The following LRRC4C variants were observed in gnomAD, a reference collection of about 807,000 sequenced individuals.
LRRC4C encodes the protein leucine-rich repeat-containing protein 4C.
LRRC4C carries 5 observed loss-of-function variants against 33.6 expected under a neutral mutation model. The ratio of observed to expected loss-of-function variants is 0.15; its 90% CI spans 0.08 to 0.31. The LOEUF is 0.31. LRRC4C is among the 10% of genes least tolerant of loss of function. The pLI is 1.00. For synonymous variants in LRRC4C, 329 were observed against 302.0 expected (o/e 1.09, Z -0.93); for missense variants, 560 against 796.7 (o/e 0.70, Z 3.58).
chr11:40,200,608 G>A (rs1398360278), intron 5 of LRRC4C, among the ~76,000 whole-genome samples: 1 of 151,604 alleles, frequency 6.6e-6, no homozygotes, highest in Non-Finnish European at 1.5e-5. Context: ...TACACAGAGA[G>A]ATGAAGAAAA....
At chr11:40,357,679 C>G (rs1448107094) in intron 3 of LRRC4C, among the ~76,000 whole-genome samples, 2 of 152,150 alleles carry the variant, frequency 1.3e-5, no homozygotes, top group Non-Finnish European at 2.9e-5. Flanking sequence ...CCTTCTCTCT[C>G]TCTCTCTCTC....
At chr11:41,137,323 C>T (rs1943309505) in intron 1 of LRRC4C, among the ~76,000 whole-genome samples, 1 of 152,056 alleles carries the variant, frequency 6.6e-6, no homozygotes, top group Admixed American at 6.6e-5. Flanking sequence ...GATCAAATCC[C>T]TCCCTTAAAA....
Position 40,297,051 on chromosome 11 carries a change from G to A in LRRC4C, c.-176+22577C>T, listed in dbSNP as rs114391207. 4.1e-3 allele frequency among the ~76,000 whole-genome samples: 628 copies of A among 152,286 alleles called. 8 individuals are homozygous for A. The highest frequency in any genetic ancestry group is 0.015 in the African/African-American group (609 of 41,552). ...TGTTATCTTATTTCACTGTATGTTC[G>A]TGACTATAGCTGGTGTAATCATTAG... is the stretch of plus-strand genomic sequence containing the variant. On this transcript the variant is annotated intron_variant, in intron 4 of 6. Coordinates refer to ENST00000528697, the MANE Select transcript of LRRC4C (RefSeq NM_001258419.2).
chr11:40,269,316 A>G (rs1942512987), intron 4 of LRRC4C, among the ~76,000 whole-genome samples: 1 of 152,208 alleles, frequency 6.6e-6, no homozygotes, highest in Admixed American at 6.5e-5. Flanking sequence ...ACATTTATTG[A>G]GTTCTTACTA....
chr11:40,875,544 C>T (rs1954843440), intron 2 of LRRC4C, among the ~76,000 whole-genome samples: 1 of 152,026 alleles, frequency 6.6e-6, no homozygotes, highest in Admixed American at 6.6e-5. Context: ...GGGTCTCATT[C>T]CAAGATATAT....
intron 1 of LRRC4C, among the ~76,000 whole-genome samples, chr11:41,006,844 G>A (rs550542382): frequency 1.7e-4 from 26 of 152,142 alleles, no homozygotes; most frequent in Admixed American, 9.2e-4. Context: ...TATTTTCACA[G>A]TATTTAACAT....
At chr11:41,001,044 A>G (rs918527302) in intron 1 of LRRC4C, among the ~76,000 whole-genome samples, 1 of 152,108 alleles carries the variant, frequency 6.6e-6, no homozygotes, top group African/African-American at 2.4e-5. Flanking sequence ...ATTATATGAA[A>G]GACAGAGTTA....
rs914756193 is a variant in LRRC4C, at chr11:40,126,169, A to AAG, written c.-42-9836_-42-9835insCT. The stretch of plus-strand genomic sequence containing the variant: ...TTTCAGAAGTTGAGATTTACGAAAA[A>AAG]AAAAAAAACCCACCTGACTCTGCAT... On this transcript the variant is annotated intron_variant, in intron 6 of 6. Coordinates refer to ENST00000528697, the MANE Select transcript of LRRC4C (RefSeq NM_001258419.2). Among the ~76,000 whole-genome samples, 4 of 151,932 alleles carry AAG rather than the reference A, an allele frequency of 2.6e-5. 1 individual carries two copies. Among genetic ancestry groups the AAG allele is most frequent in the African/African-American group, 7.2e-5 (3 of 41,502 alleles).
At chr11:40,884,023 C>T (rs1218142058) in intron 2 of LRRC4C, among the ~76,000 whole-genome samples, 7 of 151,868 alleles carry the variant, frequency 4.6e-5, no homozygotes, top group East Asian at 1.9e-4. Flanking sequence ...TTTTAAGCCC[C>T]GCATGCATTA....
At chr11:40,392,987 G>A (rs974434123) in intron 3 of LRRC4C, among the ~76,000 whole-genome samples, 6 of 151,916 alleles carry the variant, frequency 3.9e-5, no homozygotes, top group Admixed American at 2.6e-4. Flanking sequence ...AGTGACTCAC[G>A]ATAGCCCATT....
At chr11:41,285,247 C>T (rs1369920816) in intron 1 of LRRC4C, among the ~76,000 whole-genome samples, 2 of 152,140 alleles carry the variant, frequency 1.3e-5, no homozygotes, top group African/African-American at 4.8e-5. Flanking sequence ...ATCAATTATC[C>T]ATCATCCATC....
chr11:40,892,376 A>G (rs1017416351), intron 2 of LRRC4C, among the ~76,000 whole-genome samples: 1 of 152,114 alleles, frequency 6.6e-6, no homozygotes, highest in African/African-American at 2.4e-5. Flanking sequence ...TGCACAATGG[A>G]GTACTATTCA....
chr11:41,007,965 T>A (rs1344137940), intron 1 of LRRC4C, among the ~76,000 whole-genome samples: 2 of 152,130 alleles, frequency 1.3e-5, no homozygotes, highest in Non-Finnish European at 2.9e-5. Context: ...TCCATCTTAT[T>A]CTTTCATATT....
intron 1 of LRRC4C, among the ~76,000 whole-genome samples, chr11:41,289,190 G>A (rs773198207): frequency 1.3e-5 from 2 of 152,124 alleles, no homozygotes; most frequent in African/African-American, 2.4e-5. Flanking sequence ...TCTCTTTAAT[G>A]AGAAAATATA....
intron 2 of LRRC4C, among the ~76,000 whole-genome samples, chr11:40,766,334 A>C (rs1043009075): frequency 7.6e-6 from 1 of 132,396 alleles, no homozygotes; most frequent in Non-Finnish European, 1.6e-5. Flanking sequence ...GAAATGCTAA[A>C]GGGAGTTCTT....
rs375403304 is a variant in LRRC4C at position 40,164,890 on chromosome 11, A to C, written c.-95-24037T>G. ...TAAATTGGTACAATTATTATGTATC[A>C]ATAGAGTTTATTTAAACAGAAGTTT... On this transcript the variant is annotated intron_variant, in intron 5 of 6. Coordinates refer to ENST00000528697, the MANE Select transcript of LRRC4C (RefSeq NM_001258419.2). Among the ~76,000 whole-genome samples the C allele has an allele frequency of 3.3e-5, 5 of 152,210 alleles. No individual in the cohort carries two copies. The East Asian group carries it at 7.7e-4, about 23-fold the overall frequency.
At chr11:41,316,273 A>AAAAAC (rs1334777352) in intron 1 of LRRC4C, among the ~76,000 whole-genome samples, 2 of 150,114 alleles carry the variant, frequency 1.3e-5, no homozygotes, top group African/African-American at 4.9e-5. Flanking sequence ...AAAAAAAAAA[A>AAAAAC]AAAAAACAAA....
intron 1 of LRRC4C, among the ~76,000 whole-genome samples, chr11:41,306,128 C>G (rs544063599): frequency 4.2e-4 from 64 of 151,994 alleles, no homozygotes; most frequent in Middle Eastern, 3.5e-3. Flanking sequence ...AGTCTAGAGG[C>G]TCACTTACTT....
chr11:40,620,770 G>A (rs564966876), intron 3 of LRRC4C, among the ~76,000 whole-genome samples: 1 of 151,910 alleles, frequency 6.6e-6, no homozygotes, highest in East Asian at 1.9e-4. Flanking sequence ...GAACATCTTT[G>A]CAGTCACTAA....
Sources: allele counts gnomAD v4.1 joint callset (sites outside exome capture counted in the v4.1 genomes callset), GRCh38; gene constraint gnomAD v4.1.1; transcripts MANE v1.5; gene names NCBI Gene and HGNC (gene_info 2026-07-23, HGNC 2026-07-21).